EMC8: variants seen among roughly 807,000 people sequenced by gnomAD.
The protein encoded by EMC8 is COX4 neighbor.
A neutral mutation model predicts 24.3 loss-of-function variants in EMC8; 11 were observed. The observed-to-expected ratio is 0.45, with a 90% CI of 0.28 to 0.75. The LOEUF is 0.75. Ranked by LOEUF, EMC8 falls within the 30% of genes least tolerant of loss-of-function variation. The probability of loss-of-function intolerance (pLI) is 0.12; values close to 1 mark genes in which losing one functional copy is unlikely to be tolerated. For synonymous variants in EMC8, 145 were observed against 117.7 expected (o/e 1.23, Z -1.50); for missense variants, 277 against 282.7 (o/e 0.98, Z 0.14).
chr16:85,793,915 A>G (rs1325500110), intron 1 of EMC8, among the ~76,000 whole-genome samples: 1 of 152,286 alleles, frequency 6.6e-6, no homozygotes, highest in Non-Finnish European at 1.5e-5. Context: ...TACTTAAAAA[A>G]ACATAAAAAG....
chr16:85,799,182 AC>A lies in EMC8; in HGVS notation c.113del (p.Arg38LeufsTer40). The A allele has an allele frequency of 6.2e-7, 1 of 1,612,696 alleles. No homozygotes were observed. Among genetic ancestry groups the A allele is most frequent in the Non-Finnish European group, 8.5e-7 (1 of 1,179,564 alleles). ...GLLVAEKQKP[R>X]KEHLPLGGPG... ...GGCCGCCCAGGGGGAGGTGCTCCTT[AC>A]GCGGCTTCTGCTTCTCGGCCACCAG... On this transcript the variant is annotated frameshift_variant, in exon 1 of 5. Coordinates refer to ENST00000253457, the MANE Select transcript of EMC8 (RefSeq NM_006067.5). LOFTEE classifies it high-confidence loss of function. The surrounding 1 kb of genome is among the most constrained non-coding windows in gnomAD (Gnocchi z 4.2).
chr16:85,786,515 C>T (rs897376853), intron 2 of EMC8, among the ~76,000 whole-genome samples: 4 of 152,168 alleles, frequency 2.6e-5, no homozygotes, highest in East Asian at 1.9e-4. Flanking sequence ...AGGGATAGCA[C>T]GGCATTACCT....
chr16:85,779,601 C>A lies in EMC8; in HGVS notation c.*107G>T. On this transcript the variant is annotated 3_prime_UTR_variant, in exon 5 of 5. Coordinates refer to ENST00000253457, the MANE Select transcript of EMC8 (RefSeq NM_006067.5). ...TCAAGGCACATGCCACTTCTTAAAA[C>A]GGTCAGCTTTCCACACAGGCTACAA... The A allele has an allele frequency of 8.4e-7, 1 of 1,196,690 alleles. No individual in the cohort carries two copies. Among genetic ancestry groups the A allele is most frequent in the Non-Finnish European group, 1.2e-6 (1 of 831,138 alleles). 74.1% of individuals were successfully genotyped at this position (1,196,690 alleles called of 1,614,324 possible). A position where few individuals can be genotyped will look rare whatever the true frequency, so the allele number is the denominator to read the frequency against.
intron 2 of EMC8, among the ~76,000 whole-genome samples, chr16:85,782,796 G>A (rs539539793): frequency 5.9e-5 from 9 of 152,246 alleles, no homozygotes; most frequent in Admixed American, 3.3e-4. Flanking sequence ...TCTCAGGCAG[G>A]CCAGTCCATT....
intron 2 of EMC8, among the ~76,000 whole-genome samples, chr16:85,786,675 T>C (rs1904768699): frequency 6.6e-6 from 1 of 152,090 alleles, no homozygotes; most frequent in Admixed American, 6.5e-5. Flanking sequence ...TCAGTATTAA[T>C]GAAGGACTGC....
intron 2 of EMC8, 156 bp downstream of exon 2, chr16:85,788,818 T>C (rs1904871588): frequency 4.6e-6 from 3 of 648,724 alleles, no homozygotes; most frequent in South Asian, 1.7e-5. Flanking sequence ...TTTGGAATTA[T>C]CCACACCACA....
At chr16:85,784,551 T>G (rs188381184) in intron 2 of EMC8, 1 of 152,222 alleles carries the variant, frequency 6.6e-6, no homozygotes, top group African/African-American at 2.4e-5. Context: ...AAATATGACT[T>G]AAGAGGGAAG....
intron 1 of EMC8, among the ~76,000 whole-genome samples, chr16:85,794,479 A>T (rs959669338): frequency 6.6e-6 from 1 of 152,174 alleles, no homozygotes; most frequent in African/African-American, 2.4e-5. Context: ...GCCTGAGCTC[A>T]GGAGATCGAG....
intron 2 of EMC8, chr16:85,788,751 TAAAG>T: frequency 1.8e-6 from 1 of 564,466 alleles, no homozygotes; most frequent in East Asian, 3.1e-5. Flanking sequence ...TCATGCAAAA[TAAAG>T]AAGACACAAA....
intron 2 of EMC8, among the ~76,000 whole-genome samples, chr16:85,785,905 G>A (rs1371340360): frequency 6.6e-6 from 1 of 152,136 alleles, no homozygotes; most frequent in African/African-American, 2.4e-5. Flanking sequence ...AGGGCTCTCT[G>A]CCGGGCACCG....
intron 3 of EMC8, chr16:85,780,809 T>TAGAGGCTGTGCTGG (rs1384345870): frequency 4.4e-6 from 2 of 453,160 alleles, no homozygotes; most frequent in East Asian, 8.4e-5. Flanking sequence ...CCTGTGCCCC[T>TAGAGGCTGTGCTGG]AGAGGCTGTG....
intron 1 of EMC8, among the ~76,000 whole-genome samples, chr16:85,791,465 C>T (rs577287763): frequency 6.6e-6 from 1 of 152,288 alleles, no homozygotes; most frequent in South Asian, 2.1e-4. Flanking sequence ...GCTCTCCCTC[C>T]CCTCGCTCCC....
Position 85,799,441 on chromosome 16 carries a change from C to T in EMC8, c.-146G>A, listed in dbSNP as rs1000834522. On this transcript the variant is annotated 5_prime_UTR_variant, in exon 1 of 5. Coordinates refer to ENST00000253457, the MANE Select transcript of EMC8 (RefSeq NM_006067.5). The surrounding 1 kb of genome is among the most constrained non-coding windows in gnomAD (Gnocchi z 4.2). ...GCGGGCTGGCGGGGGACCCTTCAGG[C>T]CCGGCCCCGTTTGGGCCTCGGCTCC... 8 of 440,396 alleles carry T rather than the reference C, an allele frequency of 1.8e-5. No homozygotes were observed. The highest frequency in any genetic ancestry group is 4.5e-5 in the Admixed American group (1 of 22,254). 27.3% of individuals were successfully genotyped at this position (440,396 alleles called of 1,614,324 possible).
intron 2 of EMC8, among the ~76,000 whole-genome samples, chr16:85,788,096 T>G (rs900098656): frequency 6.6e-5 from 10 of 152,204 alleles, no homozygotes; most frequent in African/African-American, 2.4e-4. Context: ...ATGCCCGTTA[T>G]ATACGGCGTG....
intron 1 of EMC8, among the ~76,000 whole-genome samples, chr16:85,790,070 T>C (rs1198632085): frequency 2.0e-5 from 3 of 152,182 alleles, no homozygotes; most frequent in Non-Finnish European, 2.9e-5. Flanking sequence ...GCTCATCCTG[T>C]TTTGGCATAA....
At chr16:85,780,993 G>C (rs961319072) in intron 3 of EMC8, 1 of 567,146 alleles carries the variant, frequency 1.8e-6, no homozygotes, top group Admixed American at 3.1e-5. Flanking sequence ...CGGCTGGCAG[G>C]GGACCCCACT....
chr16:85,795,430 G>C (rs1905207803), intron 1 of EMC8, among the ~76,000 whole-genome samples: 1 of 152,216 alleles, frequency 6.6e-6, no homozygotes, highest in African/African-American at 2.4e-5. Flanking sequence ...TCACGGCCCT[G>C]GTTAGTCTTT....
At chr16:85,780,810 A>G (rs1312208183) in intron 3 of EMC8, 1 of 453,632 alleles carries the variant, frequency 2.2e-6, no homozygotes, top group East Asian at 4.2e-5. Context: ...CTGTGCCCCT[A>G]GAGGCTGTGC....
At chr16:85,791,118 A>G (rs976615964) in intron 1 of EMC8, among the ~76,000 whole-genome samples, 1 of 108,720 alleles carries the variant, frequency 9.2e-6, no homozygotes, top group African/African-American at 2.9e-5. Flanking sequence ...ACAAGCCACC[A>G]TGCCCAATTT....
Sources: gnomAD v4.1 joint callset for allele counts (sites outside exome capture counted in the v4.1 genomes callset) on GRCh38, gnomAD v4.1.1 for gene constraint, Gnocchi (gnomAD v3.1) non-coding constraint, MANE v1.5 for transcripts, NCBI Gene and HGNC (gene_info 2026-07-23, HGNC 2026-07-21) for gene names.